RYR3: variants seen among roughly 807,000 people sequenced by gnomAD.
RYR3 encodes the protein ryanodine receptor 3, also known as brain ryanodine receptor-calcium release channel.
Under a neutral mutation model 584.3 loss-of-function variants are expected in RYR3, and 207 were observed. That is an observed-to-expected ratio of 0.35 (90% confidence interval 0.32 to 0.40). RYR3 has a LOEUF of 0.40. RYR3 is among the 10% of genes least tolerant of loss of function. The probability of loss-of-function intolerance (pLI) is 1.00; values close to 1 mark genes in which losing one functional copy is unlikely to be tolerated. For missense variants in RYR3, 5,616 were observed against 6,089.2 expected (o/e 0.92, Z 2.59); for synonymous variants, 2,416 against 2,248.5 (o/e 1.07, Z -2.11).
intron 60 of RYR3, among the ~76,000 whole-genome samples, chr15:33,760,567 A>T (rs1008171658): frequency 4.6e-5 from 7 of 152,242 alleles, no homozygotes; most frequent in African/African-American, 1.7e-4. Context: ...TCCTAAATAT[A>T]TGTGCACTAA....
At chr15:33,699,928 C>T in intron 41 of RYR3, 95 bp downstream of exon 41, 2 of 1,235,340 alleles carry the variant, frequency 1.6e-6, no homozygotes, top group Middle Eastern at 2.1e-4. Context: ...GAGCCACATG[C>T]ACGCTGTGAT....
At chr15:33,413,184 T>C (rs2043530646) in intron 1 of RYR3, among the ~76,000 whole-genome samples, 1 of 152,218 alleles carries the variant, frequency 6.6e-6, no homozygotes, top group South Asian at 2.1e-4. Context: ...GGGAGGGAGC[T>C]TGCATTTCCT....
At chr15:33,791,247 G>A (rs1361114354) in intron 67 of RYR3, among the ~76,000 whole-genome samples, 1 of 152,158 alleles carries the variant, frequency 6.6e-6, no homozygotes, top group African/African-American at 2.4e-5. Flanking sequence ...TAGAGATGGG[G>A]GCTATGAACA....
chr15:33,514,074 T>G (rs1316457609), intron 3 of RYR3, among the ~76,000 whole-genome samples: 1 of 152,180 alleles, frequency 6.6e-6, no homozygotes, highest in African/African-American at 2.4e-5. Context: ...TAAAAAATGT[T>G]CTTACTGAAA....
At chr15:33,538,851 T>C (rs1852751945) in intron 5 of RYR3, among the ~76,000 whole-genome samples, 1 of 152,222 alleles carries the variant, frequency 6.6e-6, no homozygotes, top group African/African-American at 2.4e-5. Flanking sequence ...TGTCAATTTA[T>C]CTTCTTTGCT....
At position 33,774,103 on chromosome 15, in the gene RYR3, T is replaced by C. The variant is rs540715188; in HGVS notation, c.9137+488T>C. ...CAAGTGCACACTTTGGTATTAGCAATGCTAGTCAATACTCTTGAGTCTGAG... is the reference window on the plus strand; with the variant it reads ...CAAGTGCACACTTTGGTATTAGCAACGCTAGTCAATACTCTTGAGTCTGAG... On this transcript the variant is annotated intron_variant, in intron 64 of 103. Coordinates refer to ENST00000634891, the MANE Select transcript of RYR3 (RefSeq NM_001036.6). Among the ~76,000 whole-genome samples, 9 of 152,348 alleles carry C rather than the reference T, an allele frequency of 5.9e-5. No individual in the cohort carries two copies. In the East Asian group the frequency reaches 1.5e-3, roughly 26 times the overall value.
At chr15:33,566,533 C>G in intron 11 of RYR3, 145 bp from the exon 12 acceptor site, 1 of 826,590 alleles carries the variant, frequency 1.2e-6, no homozygotes, top group Non-Finnish European at 2.0e-6. Flanking sequence ...AATAGCTTCG[C>G]TAATGTCCCA....
At chr15:33,436,284 C>T (rs74778455) in intron 1 of RYR3, among the ~76,000 whole-genome samples, 2,777 of 152,018 alleles carry the variant, frequency 0.018, 78 homozygotes, top group African/African-American at 0.061. Context: ...TTTAATTTTA[C>T]CATCAAGGTT....
rs2062564777 is a variant in RYR3 at position 33,652,800 on chromosome 15, C to G, written c.4225C>G (p.Leu1409Val). Residue 1409 changes from leucine to valine, a missense_variant, in exon 32 of 104, where the codon CTG (leucine) becomes GTG (valine). Physicochemically the swap from Leu to Val is conservative, Grantham distance 32. Transcript: ENST00000634891. ...GAGATCAAATCGGAGCAACGTGGACCTGGAGATCGGCTGTCTCGTGGATCT... is the reference window on the plus strand; with the variant it reads ...GAGATCAAATCGGAGCAACGTGGACGTGGAGATCGGCTGTCTCGTGGATCT... ...SQRSNRSNVD[L>V]EIGCLVDLAM... 1.9e-6 allele frequency: 3 copies of G among 1,613,798 alleles called. No individual in the cohort carries two copies. Among genetic ancestry groups the G allele is most frequent in the Non-Finnish European group, 2.5e-6 (3 of 1,179,868 alleles).
chr15:33,850,695 A>C (rs1464936163), intron 94 of RYR3: 1 of 152,180 alleles, frequency 6.6e-6, no homozygotes, highest in East Asian at 1.9e-4. Flanking sequence ...CACACATAAG[A>C]ACATATAAAA....
chr15:33,674,810 G>C (rs779038014), intron 38 of RYR3, among the ~76,000 whole-genome samples: 1 of 148,738 alleles, frequency 6.7e-6, no homozygotes, highest in Non-Finnish European at 1.5e-5. Context: ...AAAAAAAGCT[G>C]CTTCAACAAA....
At chr15:33,324,143 TTTGCCTTGG>T (rs781385335) in intron 1 of RYR3, among the ~76,000 whole-genome samples, 22,842 of 152,052 alleles carry the variant, frequency 0.15, 2,945 homozygotes, top group African/African-American at 0.36. Context: ...CTCCAAGGCA[TTTGCCTTGG>T]ATATTGTCTG....
intron 3 of RYR3, among the ~76,000 whole-genome samples, chr15:33,524,244 G>A (rs2054231794): frequency 6.6e-6 from 1 of 152,136 alleles, no homozygotes. Flanking sequence ...CATTTTCATA[G>A]GTTTCCTTAT....
intron 38 of RYR3, among the ~76,000 whole-genome samples, chr15:33,684,803 T>C (rs2064876492): frequency 6.6e-6 from 1 of 152,104 alleles, no homozygotes; most frequent in African/African-American, 2.4e-5. Context: ...TATTCAACAT[T>C]CTTAAAGACT....
At chr15:33,444,029 G>A (rs1355650161) in intron 1 of RYR3, among the ~76,000 whole-genome samples, 1 of 152,186 alleles carries the variant, frequency 6.6e-6, no homozygotes, top group African/African-American at 2.4e-5. Context: ...TGCCCAGTGT[G>A]CCTGAAATGA....
At position 33,841,939 on chromosome 15, in the gene RYR3, AAAG is replaced by A. The variant is rs1337858544; in HGVS notation, c.13120_13122del (p.Lys4374del). 12 of 1,601,042 alleles carry A rather than the reference AAAG, an allele frequency of 7.5e-6. No homozygotes were observed. Among genetic ancestry groups the A allele is most frequent in the East Asian group, 2.2e-5 (1 of 44,556 alleles). On this transcript the variant is annotated inframe_deletion, in exon 91 of 104. Transcript: ENST00000634891. ...AGTACCTGTGGACAGAAGTGACAAA[AAAG>A]AAGAAGCGGCGGTGTGGTCAGAAGG...
chr15:33,455,612 A>C (rs1596219980), intron 1 of RYR3, among the ~76,000 whole-genome samples: 1 of 152,324 alleles, frequency 6.6e-6, no homozygotes, highest in East Asian at 1.9e-4. Flanking sequence ...CTCATATAGG[A>C]CAAATTGAAA....
chr15:33,540,859 T>A lies in RYR3; in HGVS notation c.615T>A (p.His205Gln). The A allele has an allele frequency of 6.2e-7, 1 of 1,612,552 alleles. No individual in the cohort carries two copies. Residue 205 changes from histidine to glutamine, a missense_variant, in exon 7 of 104, where the codon CAT becomes CAA. Physicochemically the swap from His to Gln is conservative, Grantham distance 24. Transcript: ENST00000634891. ...TTATGCAAACACTCTGGAATGTACA[T>A]CCTACGTGCTCAGGAAGTAGCATCG... is the stretch of plus-strand genomic sequence containing the variant. ...ASFMQTLWNV[H>Q]PTCSGSSIEE... is the part of the protein sequence containing the mutation.
chr15:33,401,123 A>G (rs2042636324), intron 1 of RYR3, among the ~76,000 whole-genome samples: 1 of 152,106 alleles, frequency 6.6e-6, no homozygotes, highest in African/African-American at 2.4e-5. Flanking sequence ...GTCCCCCTTG[A>G]GAGTGTTATT....
Sources: allele counts gnomAD v4.1 joint callset (sites outside exome capture counted in the v4.1 genomes callset), GRCh38; gene constraint gnomAD v4.1.1; transcripts MANE v1.5; gene names NCBI Gene and HGNC (gene_info 2026-07-23, HGNC 2026-07-21).